Variants in GABPB1 observed in about 807,000 individuals in gnomAD.
The protein encoded by GABPB1 is GA-binding protein subunit beta-1.
In GABPB1, 15 loss-of-function variants were observed where a neutral mutation model predicts 45.9. The ratio of observed to expected loss-of-function variants is 0.33; its 90% CI spans 0.22 to 0.50. The LOEUF (loss-of-function observed/expected upper bound fraction) is 0.50. Among genes scored for constraint, GABPB1 ranks in the 20% least tolerant of loss-of-function variants. The pLI is 0.98. For missense variants in GABPB1, 252 were observed against 457.5 expected (o/e 0.55, Z 4.10); for synonymous variants, 143 against 154.4 (o/e 0.93, Z 0.55).
intron 1 of GABPB1, among the ~76,000 whole-genome samples, chr15:50,347,188 G>C (rs961919780): frequency 6.6e-6 from 1 of 152,064 alleles, no homozygotes; most frequent in Non-Finnish European, 1.5e-5. Context: ...CATCATCTTG[G>C]AGGTTAAGAT....
At chr15:50,310,380 A>G (rs1595779096) in intron 1 of GABPB1, among the ~76,000 whole-genome samples, 1 of 152,220 alleles carries the variant, frequency 6.6e-6, no homozygotes, top group Admixed American at 6.5e-5. Flanking sequence ...GGCATGAGCC[A>G]CCCCACCCAG....
intron 8 of GABPB1, among the ~76,000 whole-genome samples, chr15:50,282,825 C>T (rs1451829763): frequency 2.0e-5 from 3 of 152,012 alleles, no homozygotes; most frequent in East Asian, 1.9e-4. Context: ...GGGGCTGAAG[C>T]GGATGGATCA....
intron 6 of GABPB1, among the ~76,000 whole-genome samples, chr15:50,299,759 T>G (rs2046661207): frequency 6.6e-6 from 1 of 152,190 alleles, no homozygotes; most frequent in African/African-American, 2.4e-5. Flanking sequence ...TCATTAAGAT[T>G]TTATAACACT....
At chr15:50,346,770 G>A (rs2048602155) in intron 1 of GABPB1, among the ~76,000 whole-genome samples, 1 of 148,282 alleles carries the variant, frequency 6.7e-6, no homozygotes, top group South Asian at 2.1e-4. Flanking sequence ...GGAAGAAAGA[G>A]CTAACAAGCT....
At chr15:50,294,779 T>C (rs2046457277) in intron 6 of GABPB1, among the ~76,000 whole-genome samples, 2 of 152,154 alleles carry the variant, frequency 1.3e-5, no homozygotes, top group Non-Finnish European at 2.9e-5. Flanking sequence ...AACTTTTTTA[T>C]TTTTATTGTT....
chr15:50,337,966 A>G (rs1037816343), intron 1 of GABPB1, among the ~76,000 whole-genome samples: 3 of 152,218 alleles, frequency 2.0e-5, no homozygotes, highest in Admixed American at 6.5e-5. Context: ...TGAGAACCTC[A>G]AAAATCAGAT....
At chr15:50,279,590 T>A (rs980347452) in intron 8 of GABPB1, among the ~76,000 whole-genome samples, 2 of 152,218 alleles carry the variant, frequency 1.3e-5, no homozygotes, top group Non-Finnish European at 2.9e-5. Context: ...CTCCTCACTC[T>A]GCCCCATTCA....
intron 8 of GABPB1, among the ~76,000 whole-genome samples, chr15:50,284,542 T>G (rs953714722): frequency 1.3e-5 from 2 of 152,196 alleles, no homozygotes; most frequent in African/African-American, 4.8e-5. Flanking sequence ...TTATTTTCCC[T>G]GGTCTCTCAA....
intron 1 of GABPB1, among the ~76,000 whole-genome samples, chr15:50,329,798 T>C (rs922122999): frequency 5.3e-5 from 8 of 152,194 alleles, no homozygotes; most frequent in African/African-American, 1.9e-4. Context: ...CCTTCTACCA[T>C]AGGGTAACAA....
intron 1 of GABPB1, among the ~76,000 whole-genome samples, chr15:50,323,526 C>T (rs2047647759): frequency 6.6e-6 from 1 of 152,100 alleles, no homozygotes; most frequent in Non-Finnish European, 1.5e-5. Flanking sequence ...AGTTTACACA[C>T]CTGTAAAATG....
At chr15:50,288,902 T>C (rs2046252937) in intron 7 of GABPB1, among the ~76,000 whole-genome samples, 2 of 152,078 alleles carry the variant, frequency 1.3e-5, no homozygotes, top group South Asian at 4.2e-4. Flanking sequence ...AATGGCTCAC[T>C]GCAGCTTCAA....
At chr15:50,305,978 T>A (rs950095591) in intron 2 of GABPB1, among the ~76,000 whole-genome samples, 3 of 151,874 alleles carry the variant, frequency 2.0e-5, no homozygotes, top group African/African-American at 7.3e-5. Flanking sequence ...GGGTTTTTTT[T>A]TATTCATTTT....
At chr15:50,351,181 G>A (rs2048806818) in intron 1 of GABPB1, 1 of 152,186 alleles carries the variant, frequency 6.6e-6, no homozygotes, top group Non-Finnish European at 1.5e-5. Flanking sequence ...ATGATAGTAT[G>A]CTACCCAAAA....
chr15:50,314,271 C>A (rs965888795), intron 1 of GABPB1: 1 of 152,214 alleles, frequency 6.6e-6, no homozygotes, highest in Non-Finnish European at 1.5e-5. Flanking sequence ...GCAAGCTCCA[C>A]CTCCCAGGTT....
At chr15:50,301,088 T>C in intron 5 of GABPB1, 169 bp downstream of exon 5, 1 of 1,030,802 alleles carries the variant, frequency 9.7e-7, no homozygotes, top group African/African-American at 1.6e-5. Flanking sequence ...AAAAATCTTT[T>C]TGCCAGTTAT....
chr15:50,338,084 G>A (rs2048211319), intron 1 of GABPB1, among the ~76,000 whole-genome samples: 2 of 152,196 alleles, frequency 1.3e-5, no homozygotes, highest in South Asian at 4.1e-4. Context: ...CTGTGGCCCA[G>A]GATGTAATGT....
At chr15:50,302,643 CAAAAAAAAAA>C (rs60408137) in intron 4 of GABPB1, among the ~76,000 whole-genome samples, 9 of 62,188 alleles carry the variant, frequency 1.4e-4, no homozygotes, top group African/African-American at 4.7e-4. Context: ...GACTCTGGCT[CAAAAAAAAAA>C]AAAAAAAAAA....
At chr15:50,317,087 C>A (rs558325753) in intron 1 of GABPB1, among the ~76,000 whole-genome samples, 17 of 151,964 alleles carry the variant, frequency 1.1e-4, no homozygotes, top group African/African-American at 3.9e-4. Context: ...TGTATATATA[C>A]CATGATCTTA....
intron 1 of GABPB1, among the ~76,000 whole-genome samples, chr15:50,344,868 GC>G (rs1306190720): frequency 5.3e-5 from 8 of 151,944 alleles, no homozygotes; most frequent in Admixed American, 4.6e-4. Context: ...AATAAATAAA[GC>G]AAAAGTATGC....
Sources: gnomAD v4.1 joint callset for allele counts (sites outside exome capture counted in the v4.1 genomes callset) on GRCh38, gnomAD v4.1.1 for gene constraint, MANE v1.5 for transcripts, NCBI Gene and HGNC (gene_info 2026-07-23, HGNC 2026-07-21) for gene names.